The following FAM83G variants were observed in gnomAD, a reference collection of about 807,000 sequenced individuals.
FAM83G encodes the protein protein FAM83G.
FAM83G carries 38 observed loss-of-function variants against 61.5 expected under a neutral mutation model. The observed-to-expected ratio is 0.62, with a 90% CI of 0.48 to 0.81. FAM83G has a LOEUF of 0.81. Ranked by LOEUF, FAM83G falls within the 30% of genes least tolerant of loss-of-function variation. The probability of loss-of-function intolerance (pLI) is 0.00; values close to 1 mark genes in which losing one functional copy is unlikely to be tolerated. For synonymous variants in FAM83G, 470 were observed against 476.1 expected (o/e 0.99, Z 0.17); for missense variants, 989 against 1,133.6 (o/e 0.87, Z 1.83).
chr17:18,971,343 A>G lies in FAM83G; in HGVS notation c.*16T>C, dbSNP rs1597834114. ...CTGGGGCCTCAGAAGGTGTGGCTCC[A>G]GGCTGGGACATGCTGCTAGGGGTCT... On this transcript the variant is annotated 3_prime_UTR_variant, in exon 6 of 6. Transcript: ENST00000388995. The surrounding 1 kb of genome is among the most constrained non-coding windows in gnomAD (Gnocchi z 5.5). 1 of 1,602,694 alleles carries G rather than the reference A, an allele frequency of 6.2e-7. No individual in the cohort carries two copies. Among genetic ancestry groups the G allele is most frequent in the East Asian group, 2.2e-5 (1 of 44,538 alleles).
chr17:18,975,557 G>C (rs1170908497), intron 5 of FAM83G, among the ~76,000 whole-genome samples: 1 of 152,152 alleles, frequency 6.6e-6, no homozygotes, highest in South Asian at 2.1e-4. Context: ...AGCCGGGCGT[G>C]GTGGCTCATG....
In FAM83G at chr17:18,978,453, C is replaced by A; in HGVS notation, c.1213G>T (p.Ala405Ser). The A allele has an allele frequency of 1.2e-6, 2 of 1,605,986 alleles. No homozygotes were observed. Among genetic ancestry groups the A allele is most frequent in the Non-Finnish European group, 1.7e-6 (2 of 1,176,356 alleles). ...GTGGGCAGGTACTCAAACATGTTGG[C>A]CCTCTCCAGGTGAAGCAGTCCTGGG... is the stretch of plus-strand genomic sequence containing the variant. ...IHPGLLHLER[A>S]NMFEYLPTWV... The change falls in exon 5 of 6, where the codon GCC becomes TCC. Residue 405 changes from alanine (A) to serine (S), a missense_variant. Around this residue, in one of 3 missense-constraint regions of FAM83G, gnomAD observed 574 missense variants for 645.1 expected, o/e 0.89. Transcript: ENST00000388995.
At chr17:18,999,219 G>A (rs569263256) in intron 2 of FAM83G, among the ~76,000 whole-genome samples, 2 of 152,162 alleles carry the variant, frequency 1.3e-5, no homozygotes, top group East Asian at 1.9e-4. Flanking sequence ...CGGAGGTTGC[G>A]GTGAGCAGAG....
In FAM83G at chr17:18,977,778, G is replaced by A. The variant is rs201046878; in HGVS notation, c.1888C>T (p.Arg630Trp). 3.0e-3 allele frequency: 4,886 copies of A among 1,602,742 alleles called. 10 individuals carry two copies. Among genetic ancestry groups the A allele is most frequent in the Middle Eastern group, 0.012 (70 of 6,014 alleles). The change falls in exon 5 of 6, where the codon CGG (arginine) becomes TGG (tryptophan). Residue 630 changes from arginine to tryptophan, a missense_variant. Transcript: ENST00000388995. ...GCCACTTGCTCTGAGTGGCGCCTCC[G>A]GAGAGGGACTGAGTGCTCTCTCACC... ...FEVREHSVPL[R>W]RRHSEQVANG...
rs760144236 is a variant in FAM83G, at chr17:18,969,380, A to C, written c.*1979T>G. On this transcript the variant is annotated 3_prime_UTR_variant, in exon 6 of 6. Coordinates refer to ENST00000388995, the MANE Select transcript of FAM83G (RefSeq NM_001039999.3). Reference sequence around the variant, plus strand: ...TGTAATCTACACGGACGCCCTGCAGACGCTCATCATGGTGGTGGGGGCTGT... The same window carrying C: ...TGTAATCTACACGGACGCCCTGCAGCCGCTCATCATGGTGGTGGGGGCTGT... 3 of 1,613,750 alleles carry C rather than the reference A, an allele frequency of 1.9e-6. No homozygotes were observed. The Admixed American group carries it at 5.0e-5, about 27-fold the overall frequency.
At chr17:18,980,440 G>A (rs2043102064) in intron 3 of FAM83G, among the ~76,000 whole-genome samples, 1 of 152,170 alleles carries the variant, frequency 6.6e-6, no homozygotes, top group African/African-American at 2.4e-5. Context: ...CCTTGGGCAT[G>A]AGGAGCACAG....
intron 5 of FAM83G, among the ~76,000 whole-genome samples, chr17:18,975,332 C>CCACAGCTTAGGGGTAAATGCTGGGAG (rs2042950026): frequency 6.6e-6 from 1 of 152,194 alleles, no homozygotes; most frequent in South Asian, 2.1e-4. Flanking sequence ...TCCGTGACAT[C>CCACAGCTTAGGGGTAAATGCTGGGAG]CACAGCTTAG....
Position 18,971,643 on chromosome 17 carries a change from A to C in FAM83G, c.2188T>G (p.Ser730Ala). The C allele has an allele frequency of 6.2e-7, 1 of 1,613,312 alleles. No individual in the cohort carries two copies. The highest frequency in any genetic ancestry group is 8.5e-7 in the Non-Finnish European group (1 of 1,179,926). ...YRSAADSVQS[S>A]TRNAGPAMAG... Reference sequence around the variant, plus strand: ...ATGGCTGGGCCAGCGTTTCTGGTAGAGCTCTGGACGCTGTCAGCAGCAGAG... The same window carrying C: ...ATGGCTGGGCCAGCGTTTCTGGTAGCGCTCTGGACGCTGTCAGCAGCAGAG... The change falls in exon 6 of 6, where the codon TCT becomes GCT. Residue 730 changes from serine to alanine, a missense_variant. By Grantham distance (99) the Ser-to-Ala change is moderately conservative. This residue lies in a region of FAM83G where 574 missense variants were observed against 645.1 expected (regional missense o/e 0.89). Coordinates refer to ENST00000388995, the MANE Select transcript of FAM83G (RefSeq NM_001039999.3). The surrounding 1 kb of genome is among the most constrained non-coding windows in gnomAD (Gnocchi z 5.5).
chr17:18,984,895 G>C (rs911196680), intron 3 of FAM83G, among the ~76,000 whole-genome samples: 2 of 152,238 alleles, frequency 1.3e-5, no homozygotes, highest in Non-Finnish European at 2.9e-5. Flanking sequence ...CACTGGGGCC[G>C]GCCAGGGCAA....
upstream of FAM83G, among the ~76,000 whole-genome samples, chr17:19,006,050 A>G (rs968856358): frequency 6.6e-6 from 1 of 152,192 alleles, no homozygotes; most frequent in East Asian, 1.9e-4. Context: ...GAGTTCAGGA[A>G]GGGAGTCCAA....
At position 18,971,028 on chromosome 17, in the gene FAM83G, G is replaced by C; in HGVS notation, c.*331C>G. ...ACCCCTCCAGCTTTTGACCAGATCG[G>C]TGGTTACGGGCAGCTGGAGGCAGCC... On this transcript the variant is annotated 3_prime_UTR_variant, in exon 6 of 6. Coordinates refer to ENST00000388995, the MANE Select transcript of FAM83G (RefSeq NM_001039999.3). The surrounding 1 kb of genome is among the most constrained non-coding windows in gnomAD (Gnocchi z 5.5). 6.2e-7 allele frequency: 1 copy of C among 1,613,934 alleles called. No homozygotes were observed.
intron 4 of FAM83G, 100 bp from the exon 5 acceptor site, chr17:18,978,950 G>C: frequency 7.3e-7 from 1 of 1,365,724 alleles, no homozygotes; most frequent in African/African-American, 1.4e-5. Flanking sequence ...TGTGGCCACA[G>C]GGCCCTGGGA....
At chr17:18,981,159 T>C (rs191791059) in intron 3 of FAM83G, among the ~76,000 whole-genome samples, 2 of 152,224 alleles carry the variant, frequency 1.3e-5, no homozygotes, top group Admixed American at 1.3e-4. Context: ...GAAAACAAGC[T>C]GAATGCCCAG....
rs2043793595 is a variant in FAM83G, at chr17:19,003,695, G to A, written c.347C>T (p.Ser116Phe). The change falls in exon 2 of 6, where the codon TCC becomes TTC. Residue 116 changes from serine to phenylalanine, a missense_variant. Ser to Phe is a radical substitution (Grantham distance 155). Around this residue, in one of 3 missense-constraint regions of FAM83G, gnomAD observed 371 missense variants for 404.5 expected, o/e 0.92. Transcript: ENST00000388995. The surrounding 1 kb of genome is among the most constrained non-coding windows in gnomAD (Gnocchi z 4.5). ...CGACTTCTGGGGCCAGTACTCCAGG[G>A]AGGGCAGCGGCTCGGCCTCGATGGG... is the stretch of plus-strand genomic sequence containing the variant. ...GVPIEAEPLPSLEYWPQKSDR... is the reference protein window; with the variant it reads ...GVPIEAEPLPFLEYWPQKSDR... The A allele has an allele frequency of 6.2e-7, 1 of 1,608,138 alleles. No homozygotes were observed. Among genetic ancestry groups the A allele is most frequent in the East Asian group, 2.2e-5 (1 of 44,738 alleles).
At chr17:18,985,986 G>A (rs1489697405) in intron 3 of FAM83G, among the ~76,000 whole-genome samples, 1 of 152,210 alleles carries the variant, frequency 6.6e-6, no homozygotes, top group Non-Finnish European at 1.5e-5. Flanking sequence ...TACAACCACC[G>A]TCTCCTTTAA....
At position 18,992,282 on chromosome 17, in the gene FAM83G, C is replaced by T. The variant is rs931571712; in HGVS notation, c.523-3868G>A. Reference sequence around the variant, plus strand: ...TGTGTCCTTGGGACAGGGGGACATCCGCCTCCATGTGAGAGATGCAGAAAC... The same window carrying T: ...TGTGTCCTTGGGACAGGGGGACATCTGCCTCCATGTGAGAGATGCAGAAAC... On this transcript the variant is annotated intron_variant, in intron 2 of 5. Coordinates refer to ENST00000388995, the MANE Select transcript of FAM83G (RefSeq NM_001039999.3). 8.5e-5 allele frequency among the ~76,000 whole-genome samples: 13 copies of T among 152,250 alleles called. No homozygotes were observed. The East Asian group carries it at 1.9e-3, about 23-fold the overall frequency.
At position 18,969,032 on chromosome 17, in the gene FAM83G, A is replaced by T. The variant is rs370838338; in HGVS notation, c.*2327T>A. ...AGCCCTGGGAATAACAGTCCCACAC[A>T]AGGCTCTCTCCCTCCGCAGCTGGAC... On this transcript the variant is annotated 3_prime_UTR_variant, in exon 6 of 6. Transcript: ENST00000388995. 5.0e-6 allele frequency: 8 copies of T among 1,605,506 alleles called. No individual in the cohort carries two copies. The highest frequency in any genetic ancestry group is 6.8e-6 in the Non-Finnish European group (8 of 1,176,018).
chr17:18,993,679 CCACCT>C (rs1304911591), intron 2 of FAM83G, among the ~76,000 whole-genome samples: 4 of 152,186 alleles, frequency 2.6e-5, no homozygotes, highest in Non-Finnish European at 5.9e-5. Context: ...CCTCACTTTC[CCACCT>C]GAGAAGTGCC....
chr17:18,984,393 A>C (rs949452663), intron 3 of FAM83G, among the ~76,000 whole-genome samples: 12 of 150,852 alleles, frequency 8.0e-5, no homozygotes, highest in African/African-American at 2.9e-4. Context: ...CCACAGACCC[A>C]GGCCCAGGTA....
Sources: allele counts gnomAD v4.1 joint callset (sites outside exome capture counted in the v4.1 genomes callset), GRCh38; gene constraint gnomAD v4.1.1; regional missense constraint gnomAD v4.1.1; non-coding constraint Gnocchi (gnomAD v3.1); transcripts MANE v1.5; gene names NCBI Gene and HGNC (gene_info 2026-07-23, HGNC 2026-07-21).